The following NRXN1 variants were observed in gnomAD, a reference collection of about 807,000 sequenced individuals.
NRXN1 encodes the protein neurexin-1.
A neutral mutation model predicts 150.9 loss-of-function variants in NRXN1; 39 were observed. That is an observed-to-expected ratio of 0.26 (90% CI 0.20 to 0.34). NRXN1 has a LOEUF of 0.34. Ranked by LOEUF, NRXN1 falls within the 10% of genes least tolerant of loss-of-function variation. The pLI is 1.00. For synonymous variants in NRXN1, 924 were observed against 757.0 expected (o/e 1.22, Z -3.62); for missense variants, 1,815 against 1,949.9 (o/e 0.93, Z 1.30).
intron 15 of NRXN1, among the ~76,000 whole-genome samples, chr2:50,492,932 G>GTT (rs386390163): frequency 2.0e-5 from 3 of 151,878 alleles, no homozygotes; most frequent in African/African-American, 4.8e-5. Context: ...AAAGATGCCT[G>GTT]TTTTCTGTGC....
At chr2:50,552,441 A>C (rs576806625) in intron 9 of NRXN1, 146 bp downstream of exon 9, 1 of 640,388 alleles carries the variant, frequency 1.6e-6, no homozygotes, top group South Asian at 2.0e-5. Context: ...CATGGTGTGA[A>C]ACAGAAGCAA....
At chr2:49,960,612 G>A (rs375152753) in intron 21 of NRXN1, among the ~76,000 whole-genome samples, 2 of 152,258 alleles carry the variant, frequency 1.3e-5, no homozygotes, top group South Asian at 2.1e-4. Context: ...AATGAATTGT[G>A]GAGTATTTCC....
At chr2:50,745,127 C>T (rs920526950) in intron 5 of NRXN1, among the ~76,000 whole-genome samples, 4 of 152,076 alleles carry the variant, frequency 2.6e-5, no homozygotes, top group African/African-American at 7.2e-5. Flanking sequence ...GCTAGGCAAC[C>T]TTGGGCAAGC....
chr2:50,024,922 G>A (rs924083374), intron 21 of NRXN1, among the ~76,000 whole-genome samples: 6 of 152,076 alleles, frequency 3.9e-5, no homozygotes, highest in Non-Finnish European at 8.8e-5. Context: ...AGACACCAGA[G>A]TAATTCTTTA....
chr2:50,095,136 G>C (rs912573197), intron 18 of NRXN1, among the ~76,000 whole-genome samples: 1 of 152,128 alleles, frequency 6.6e-6, no homozygotes, highest in African/African-American at 2.4e-5. Context: ...GCTGAAGCAG[G>C]GATAATGAAG....
rs1667996634 is a variant in NRXN1, at chr2:49,920,449, A to G, written c.*1495T>C. ...AATTTTGCTTCCATAACCTGCCCACATAATGGTTCTTATTCATGCAGCAGT... is the reference window on the plus strand; with the variant it reads ...AATTTTGCTTCCATAACCTGCCCACGTAATGGTTCTTATTCATGCAGCAGT... On this transcript the variant is annotated 3_prime_UTR_variant, in exon 23 of 23. Transcript: ENST00000401669. 6.6e-6 allele frequency: 1 copy of G among 152,602 alleles called. No homozygotes were observed. Among genetic ancestry groups the G allele is most frequent in the African/African-American group, 2.4e-5 (1 of 41,426 alleles). 9.5% of individuals were successfully genotyped at this position (152,602 alleles called of 1,614,324 possible).
chr2:50,131,668 C>A (rs1313465857), intron 18 of NRXN1, among the ~76,000 whole-genome samples: 1 of 152,148 alleles, frequency 6.6e-6, no homozygotes, highest in Non-Finnish European at 1.5e-5. Context: ...ATTAATTCAG[C>A]TATTTACATT....
At chr2:50,667,137 T>G (rs1000378658) in intron 5 of NRXN1, among the ~76,000 whole-genome samples, 8 of 151,934 alleles carry the variant, frequency 5.3e-5, no homozygotes, top group Admixed American at 3.9e-4. Context: ...TTTAAAAAAT[T>G]TATAAATTGA....
intron 5 of NRXN1, among the ~76,000 whole-genome samples, chr2:50,710,373 T>G (rs1694999522): frequency 6.6e-6 from 1 of 152,200 alleles, no homozygotes; most frequent in South Asian, 2.1e-4. Context: ...CTTCTATAAA[T>G]ATACACCTGT....
intron 8 of NRXN1, among the ~76,000 whole-genome samples, chr2:50,591,373 C>T (rs933657536): frequency 2.7e-5 from 4 of 146,182 alleles, no homozygotes; most frequent in African/African-American, 1.0e-4. Flanking sequence ...CTACCATACA[C>T]TATATATCAG....
At chr2:50,646,538 G>C (rs1490298245) in intron 5 of NRXN1, among the ~76,000 whole-genome samples, 2 of 151,526 alleles carry the variant, frequency 1.3e-5, no homozygotes, top group Non-Finnish European at 3.0e-5. Flanking sequence ...CAGCTCTTTG[G>C]CTGCAGATCT....
At chr2:50,501,491 T>C (rs1274684857) in intron 13 of NRXN1, among the ~76,000 whole-genome samples, 7 of 150,634 alleles carry the variant, frequency 4.6e-5, no homozygotes, top group Non-Finnish European at 1.0e-4. Context: ...GAAATGAAAA[T>C]CATCAACAAA....
chr2:50,464,347 G>A (rs1264434146), intron 17 of NRXN1: 2 of 151,772 alleles, frequency 1.3e-5, no homozygotes, highest in East Asian at 3.9e-4. Context: ...TCAATATTTT[G>A]GAAAGGAAAC....
At chr2:50,975,711 C>T (rs1262870546) in intron 2 of NRXN1, among the ~76,000 whole-genome samples, 2 of 152,034 alleles carry the variant, frequency 1.3e-5, no homozygotes, top group Non-Finnish European at 2.9e-5. Flanking sequence ...CTGACCCTTC[C>T]GGATTCCTTG....
chr2:50,582,748 C>T (rs1672486450), intron 8 of NRXN1, among the ~76,000 whole-genome samples: 1 of 151,758 alleles, frequency 6.6e-6, no homozygotes, highest in Non-Finnish European at 1.5e-5. Context: ...AAAGTACTAC[C>T]TCATATCAAA....
chr2:50,576,799 C>T (rs949816485), intron 8 of NRXN1, among the ~76,000 whole-genome samples: 1 of 152,032 alleles, frequency 6.6e-6, no homozygotes, highest in African/African-American at 2.4e-5. Flanking sequence ...AGATGGCTTT[C>T]CTGACCTCCC....
At chr2:50,199,962 G>A (rs1238925021) in intron 18 of NRXN1, among the ~76,000 whole-genome samples, 21 of 152,066 alleles carry the variant, frequency 1.4e-4, no homozygotes, top group Admixed American at 1.4e-3. Flanking sequence ...CATCCTTGCA[G>A]CCTTCTATTA....
At chr2:50,254,281 T>C (rs2067465957) in intron 17 of NRXN1, among the ~76,000 whole-genome samples, 2 of 147,684 alleles carry the variant, frequency 1.4e-5, no homozygotes, top group South Asian at 4.3e-4. Flanking sequence ...CATTTTTTAT[T>C]GTGTCAATTT....
intron 17 of NRXN1, among the ~76,000 whole-genome samples, chr2:50,430,709 G>A (rs1249935989): frequency 6.6e-6 from 1 of 152,058 alleles, no homozygotes; most frequent in Non-Finnish European, 1.5e-5. Flanking sequence ...ATGTGTTTCT[G>A]GGTTTGTTTC....
Sources: allele counts gnomAD v4.1 joint callset (sites outside exome capture counted in the v4.1 genomes callset), GRCh38; gene constraint gnomAD v4.1.1; transcripts MANE v1.5; gene names NCBI Gene and HGNC (gene_info 2026-07-23, HGNC 2026-07-21).